Variants in DNAJC1 observed in about 807,000 individuals in gnomAD.
The protein encoded by DNAJC1 is DnaJ heat shock protein family (Hsp40) member C1.
In DNAJC1, 58 loss-of-function variants were observed where a neutral mutation model predicts 76.6. That is an observed-to-expected ratio of 0.76 (90% CI 0.61 to 0.94). The LOEUF (loss-of-function observed/expected upper bound fraction) is 0.94. Among genes scored for constraint, DNAJC1 ranks in the 40% least tolerant of loss-of-function variants. The pLI, the probability that DNAJC1 is intolerant of heterozygous loss-of-function variation, is 0.00. For synonymous variants in DNAJC1, 258 were observed against 267.9 expected, an observed-to-expected ratio of 0.96 and a Z score of 0.36; for missense variants, 689 against 677.3, an observed-to-expected ratio of 1.02 and a Z score of -0.19.
chr10:21,827,056 A>G (rs1835270373), intron 8 of DNAJC1, among the ~76,000 whole-genome samples: 1 of 152,024 alleles, frequency 6.6e-6, no homozygotes, highest in Admixed American at 6.5e-5. Context: ...TCATTTTAAT[A>G]ACATTAAGTC....
chr10:21,826,280 T>A (rs1228873645), intron 8 of DNAJC1, among the ~76,000 whole-genome samples: 2 of 134,516 alleles, frequency 1.5e-5, no homozygotes, highest in African/African-American at 2.8e-5. Flanking sequence ...ATATCACATA[T>A]GCAAATATTT....
intron 6 of DNAJC1, among the ~76,000 whole-genome samples, chr10:21,908,445 A>G (rs1836794899): frequency 6.8e-6 from 1 of 147,768 alleles, no homozygotes; most frequent in African/African-American, 2.5e-5. Context: ...AAAGAGGATG[A>G]ATAAGATAAA....
intron 9 of DNAJC1, among the ~76,000 whole-genome samples, chr10:21,783,092 GA>G (rs1188857251): frequency 6.6e-6 from 1 of 152,152 alleles, no homozygotes; most frequent in Non-Finnish European, 1.5e-5. Flanking sequence ...ATTCAGTGAG[GA>G]AAAGAGGAAG....
rs530730300 is a variant in DNAJC1, at chr10:21,846,701, G to A, written c.978+35581C>T. On this transcript the variant is annotated intron_variant, in intron 8 of 11. Transcript: ENST00000376980. ...AAATTTAAAAGCCAGCCAAAATGAG[G>A]TTAGGATTAAACACTATATCCCAAG... Among the ~76,000 whole-genome samples, 9 of 152,108 alleles carry A rather than the reference G, an allele frequency of 5.9e-5. No homozygotes were observed. The East Asian group carries it at 1.7e-3, about 29-fold the overall frequency.
chr10:21,786,447 TATATATATATATATATAGAGAGAG>T (rs1382065783), intron 9 of DNAJC1, among the ~76,000 whole-genome samples: 10 of 112,902 alleles, frequency 8.9e-5, no homozygotes, highest in African/African-American at 2.7e-4. Flanking sequence ...TATATATATA[TATATATATATATATATAGAGAGAG>T]AGAGAGAGAG....
At chr10:21,896,187 G>A (rs1836539376) in intron 7 of DNAJC1, among the ~76,000 whole-genome samples, 1 of 152,180 alleles carries the variant, frequency 6.6e-6, no homozygotes, top group African/African-American at 2.4e-5. Flanking sequence ...TAAGACCTCA[G>A]AACTGCAGAG....
At chr10:21,890,185 G>C (rs988799103) in intron 7 of DNAJC1, among the ~76,000 whole-genome samples, 42 of 152,046 alleles carry the variant, frequency 2.8e-4, no homozygotes, top group Admixed American at 4.6e-4. Flanking sequence ...GCTGGGGGGG[G>C]GTGGATGACC....
chr10:21,900,164 G>A (rs1333397200), intron 7 of DNAJC1, among the ~76,000 whole-genome samples: 1 of 151,994 alleles, frequency 6.6e-6, no homozygotes, highest in African/African-American at 2.4e-5. Context: ...ACAACATGGT[G>A]AAACCCCGTT....
At chr10:21,772,271 C>CTTT (rs398045895) in intron 9 of DNAJC1, among the ~76,000 whole-genome samples, 715 of 92,586 alleles carry the variant, frequency 7.7e-3, no homozygotes, top group East Asian at 0.01. Context: ...CACCCCTCTT[C>CTTT]TTTTTTTTTT....
At chr10:21,819,629 A>C (rs1020690933) in intron 8 of DNAJC1, among the ~76,000 whole-genome samples, 1 of 151,950 alleles carries the variant, frequency 6.6e-6, no homozygotes, top group African/African-American at 2.4e-5. Flanking sequence ...TTTTATTGAG[A>C]TCTAATTAGC....
At chr10:21,932,132 T>A (rs1162808469) in intron 1 of DNAJC1, among the ~76,000 whole-genome samples, 3 of 150,578 alleles carry the variant, frequency 2.0e-5, no homozygotes, top group Non-Finnish European at 4.4e-5. Context: ...AGCCCAAGAG[T>A]TTGAGACCAG....
intron 9 of DNAJC1, among the ~76,000 whole-genome samples, chr10:21,779,558 C>CA (rs1302678783): frequency 2.6e-5 from 4 of 152,158 alleles, no homozygotes; most frequent in African/African-American, 9.7e-5. Flanking sequence ...GGAAAATTAA[C>CA]AAACAGAAAG....
intron 1 of DNAJC1, among the ~76,000 whole-genome samples, chr10:21,985,566 A>C (rs1435530810): frequency 6.6e-6 from 1 of 152,042 alleles, no homozygotes; most frequent in East Asian, 1.9e-4. Flanking sequence ...TTCCATCTCT[A>C]TATATTATTT....
chr10:21,977,352 C>T (rs1441381511), intron 1 of DNAJC1, among the ~76,000 whole-genome samples: 2 of 152,170 alleles, frequency 1.3e-5, no homozygotes, highest in Non-Finnish European at 2.9e-5. Context: ...CTACAAAGCT[C>T]AGTTTCTATA....
chr10:21,896,541 G>A (rs1187821790), intron 7 of DNAJC1, among the ~76,000 whole-genome samples: 1 of 152,150 alleles, frequency 6.6e-6, no homozygotes. Context: ...TGATTTCACA[G>A]GTTCACAGGT....
intron 1 of DNAJC1, among the ~76,000 whole-genome samples, chr10:21,976,433 T>G (rs1483854317): frequency 6.6e-6 from 1 of 152,170 alleles, no homozygotes; most frequent in Non-Finnish European, 1.5e-5. Flanking sequence ...TTACACTGTC[T>G]TTTCCCTACT....
chr10:21,863,679 T>A (rs1835952250), intron 8 of DNAJC1, among the ~76,000 whole-genome samples: 1 of 152,126 alleles, frequency 6.6e-6, no homozygotes, highest in South Asian at 2.1e-4. Context: ...GGAATTCAAG[T>A]CTGGTTTAGG....
rs781560689 is a variant in DNAJC1, at chr10:21,884,807, TG to T, written c.821-2369del. Reference sequence around the variant, plus strand: ...TAAAAAGCAAATAAATTCAATTGTTTGTATTTATTTCTGGGGTGTTTCATCA... The same window carrying T: ...TAAAAAGCAAATAAATTCAATTGTTTTATTTATTTCTGGGGTGTTTCATCA... On this transcript the variant is annotated intron_variant, in intron 7 of 11. Coordinates refer to ENST00000376980, the MANE Select transcript of DNAJC1 (RefSeq NM_022365.4). Among the ~76,000 whole-genome samples the T allele has an allele frequency of 2.6e-5, 4 of 152,324 alleles. No individual in the cohort carries two copies. The East Asian group carries it at 7.7e-4, about 29-fold the overall frequency.
At chr10:21,783,085 C>T (rs1834554589) in intron 9 of DNAJC1, among the ~76,000 whole-genome samples, 1 of 152,078 alleles carries the variant, frequency 6.6e-6, no homozygotes, top group African/African-American at 2.4e-5. Flanking sequence ...AAAGGGTATT[C>T]AGTGAGGAAA....
Sources: gnomAD v4.1 joint callset for allele counts (sites outside exome capture counted in the v4.1 genomes callset) on GRCh38, gnomAD v4.1.1 for gene constraint, MANE v1.5 for transcripts, NCBI Gene and HGNC (gene_info 2026-07-23, HGNC 2026-07-21) for gene names.